BMAL2: variants seen among roughly 807,000 people sequenced by gnomAD.
BMAL2 encodes basic helix-loop-helix ARNT-like protein 2.
chr12:27,418,091 T>C, the BMAL2 span: 1 of 1,607,862 alleles, frequency 6.2e-7, no homozygotes. Flanking sequence ...TTTTCAGATG[T>C]CAAATAAGGA....
the BMAL2 span, chr12:27,390,351 A>G: frequency 2.5e-6 from 3 of 1,207,940 alleles, no homozygotes; most frequent in Admixed American, 5.4e-5. Flanking sequence ...TTTGAATTCA[A>G]AAGCATCTTA....
chr12:27,344,694 C>T, the BMAL2 span, among the ~76,000 whole-genome samples: 5 of 152,224 alleles, frequency 3.3e-5, no homozygotes, highest in Admixed American at 6.5e-5. Context: ...GCTTTAATCA[C>T]ATCTACAAAA....
At chr12:27,372,002 G>A in the BMAL2 span, among the ~76,000 whole-genome samples, 505 of 152,296 alleles carry the variant, frequency 3.3e-3, 5 homozygotes, top group Non-Finnish European at 3.9e-3. Context: ...TCCAAGGTGG[G>A]TGGACTGCCT....
the BMAL2 span, chr12:27,402,771 AAGGTGAAATTAAAAGTAGTTCTGC>A: frequency 8.4e-7 from 1 of 1,191,880 alleles, no homozygotes; most frequent in African/African-American, 1.6e-5. Flanking sequence ...GGAAAATTTG[AAGGTGAAATTAAAAGTAGTTCTGC>A]AGGTTGGGTT....
the BMAL2 span, among the ~76,000 whole-genome samples, chr12:27,381,854 T>A: frequency 6.6e-6 from 1 of 152,132 alleles, no homozygotes. Flanking sequence ...TGTAAAGATC[T>A]AGAAGATTAT....
the BMAL2 span, chr12:27,390,501 G>A: frequency 3.1e-6 from 1 of 323,736 alleles, no homozygotes. Flanking sequence ...TATCAAGTGG[G>A]AAAAAAATGA....
chr12:27,407,406 T>C, the BMAL2 span, among the ~76,000 whole-genome samples: 1 of 152,014 alleles, frequency 6.6e-6, no homozygotes, highest in Non-Finnish European at 1.5e-5. Context: ...TCAGACCATA[T>C]TGCAATCAAA....
chr12:27,397,074 GTTTATTTA>G, the BMAL2 span, among the ~76,000 whole-genome samples: 1 of 146,076 alleles, frequency 6.8e-6, no homozygotes, highest in Non-Finnish European at 1.5e-5. Context: ...TTGTTTGTTT[GTTTATTTA>G]TTTATTGAGA....
At chr12:27,350,994 CTT>C in the BMAL2 span, among the ~76,000 whole-genome samples, 4 of 94,262 alleles carry the variant, frequency 4.2e-5, no homozygotes, top group African/African-American at 4.3e-5. Context: ...CCCACCCCCC[CTT>C]TTTTTTTTTT....
the BMAL2 span, among the ~76,000 whole-genome samples, chr12:27,364,248 A>G: frequency 1.3e-5 from 2 of 152,198 alleles, no homozygotes; most frequent in Non-Finnish European, 1.5e-5. Flanking sequence ...AAGTTTCCAC[A>G]TGAATTTCGG....
At chr12:27,362,978 A>T in the BMAL2 span, among the ~76,000 whole-genome samples, 2 of 151,882 alleles carry the variant, frequency 1.3e-5, no homozygotes, top group Non-Finnish European at 1.5e-5. Flanking sequence ...TAGTTTTAAA[A>T]TTTTTTTGTA....
chr12:27,366,643 A>T, the BMAL2 span, among the ~76,000 whole-genome samples: 8 of 152,324 alleles, frequency 5.3e-5, no homozygotes, highest in East Asian at 1.5e-3. Flanking sequence ...ATTTTTTAAA[A>T]TCACACTTAG....
chr12:27,398,880 A>G, the BMAL2 span, among the ~76,000 whole-genome samples: 1 of 152,214 alleles, frequency 6.6e-6, no homozygotes, highest in African/African-American at 2.4e-5. Flanking sequence ...TTTATTTTTA[A>G]CTGCCATCTA....
the BMAL2 span, among the ~76,000 whole-genome samples, chr12:27,369,302 G>T: frequency 0.055 from 8,414 of 151,794 alleles, 783 homozygotes; most frequent in African/African-American, 0.19. Flanking sequence ...TTTTTGGTGG[G>T]GGGGGTGGTA....
At chr12:27,350,994 C>CTT in the BMAL2 span, among the ~76,000 whole-genome samples, 12,978 of 94,272 alleles carry the variant, frequency 0.14, 1,149 homozygotes, top group East Asian at 0.26. Flanking sequence ...CCCACCCCCC[C>CTT]TTTTTTTTTT....
chr12:27,411,806 CTGTT>C, the BMAL2 span, among the ~76,000 whole-genome samples: 757 of 152,186 alleles, frequency 5.0e-3, 5 homozygotes, highest in Middle Eastern at 0.027. Flanking sequence ...CCTTTTTACT[CTGTT>C]TATCAGGTTT....
the BMAL2 span, among the ~76,000 whole-genome samples, chr12:27,362,683 C>A: frequency 6.6e-6 from 1 of 152,052 alleles, no homozygotes; most frequent in Non-Finnish European, 1.5e-5. Context: ...CCCAAATATT[C>A]CTAAAAATTG....
At chr12:27,356,657 A>G in the BMAL2 span, among the ~76,000 whole-genome samples, 1 of 152,112 alleles carries the variant, frequency 6.6e-6, no homozygotes, top group Non-Finnish European at 1.5e-5. Context: ...ACATTTTATT[A>G]TGTGTGTTTT....
chr12:27,360,550 G>T, the BMAL2 span, among the ~76,000 whole-genome samples: 3 of 151,940 alleles, frequency 2.0e-5, no homozygotes, highest in Non-Finnish European at 4.4e-5. Context: ...AAGGTTAACA[G>T]CTTTATAATT....
Sources: gnomAD v4.1 joint callset for allele counts (sites outside exome capture counted in the v4.1 genomes callset) on GRCh38, gnomAD v4.1.1 for gene constraint, MANE v1.5 for transcripts, NCBI Gene and HGNC (gene_info 2026-07-23, HGNC 2026-07-21) for gene names.